Variants in CRISP2 observed in about 807,000 individuals in gnomAD.
CRISP2 encodes cysteine-rich secretory protein 2.
Under a neutral mutation model 31.7 loss-of-function variants are expected in CRISP2, and 29 were observed. The ratio of observed to expected loss-of-function variants is 0.92; its 90% CI spans 0.68 to 1.25. CRISP2 has a LOEUF of 1.25. CRISP2 is among the 50% of genes most tolerant of loss of function. CRISP2 has a pLI of 0.00. For synonymous variants in CRISP2, 111 were observed against 101.4 expected, an observed-to-expected ratio of 1.09 and a Z score of -0.57; for missense variants, 318 against 286.5, an observed-to-expected ratio of 1.11 and a Z score of -0.79.
At chr6:49,696,587 TAAAAAAAA>T (rs199584784) in intron 8 of CRISP2, among the ~76,000 whole-genome samples, 2 of 98,260 alleles carry the variant, frequency 2.0e-5, no homozygotes, top group Non-Finnish European at 5.3e-5. Context: ...GAACTTAAAG[TAAAAAAAA>T]AAAAAAGAAA....
chr6:49,702,187 T>G (rs1442406445), intron 4 of CRISP2, among the ~76,000 whole-genome samples: 16 of 122,632 alleles, frequency 1.3e-4, no homozygotes, highest in African/African-American at 3.7e-4. Flanking sequence ...ATATATAACA[T>G]TTTCTTTATC....
chr6:49,693,817 G>A (rs755059075), intron 9 of CRISP2, among the ~76,000 whole-genome samples: 3 of 151,926 alleles, frequency 2.0e-5, no homozygotes, highest in Non-Finnish European at 4.4e-5. Context: ...AAATTTCTCT[G>A]ATAAATTTCT....
chr6:49,690,603 G>T (rs575369979), downstream of CRISP2, among the ~76,000 whole-genome samples: 3 of 152,122 alleles, frequency 2.0e-5, no homozygotes, highest in Middle Eastern at 3.4e-3. Context: ...ATATCATAAT[G>T]TTCACTGAAA....
At position 49,692,894 on chromosome 6, in the gene CRISP2, C is replaced by G; in HGVS notation, c.611G>C (p.Ser204Thr). The G allele has an allele frequency of 6.2e-7, 1 of 1,613,246 alleles. No homozygotes were observed. Among genetic ancestry groups the G allele is most frequent in the Non-Finnish European group, 8.5e-7 (1 of 1,179,420 alleles). ...DDCDKGLCTN[S>T]CQYQDLLSNC... is the part of the protein sequence containing the mutation. ...ACTTAGGAGATCTTGATACTGGCAA[C>G]TATTGGCTGTAACAAAAACAGATTA... Residue 204 changes from serine to threonine, a missense_variant, in exon 10 of 10, where the codon AGT (serine) becomes ACT (threonine). Coordinates refer to ENST00000339139, the MANE Select transcript of CRISP2 (RefSeq NM_003296.4).
chr6:49,701,331 C>T (rs771297810), intron 4 of CRISP2, among the ~76,000 whole-genome samples: 40 of 151,652 alleles, frequency 2.6e-4, no homozygotes, highest in Non-Finnish European at 2.7e-4. Flanking sequence ...TATGCCTGTG[C>T]ATCCTCATAG....
At chr6:49,690,078 A>G (rs772157016), downstream of CRISP2, among the ~76,000 whole-genome samples, 39 of 152,170 alleles carry the variant, frequency 2.6e-4, no homozygotes, top group Non-Finnish European at 4.9e-4. Flanking sequence ...CTAATGTAAA[A>G]TTCATATTGT....
chr6:49,689,315 A>G (rs1763978928), downstream of CRISP2, among the ~76,000 whole-genome samples: 1 of 152,196 alleles, frequency 6.6e-6, no homozygotes, highest in African/African-American at 2.4e-5. Flanking sequence ...CCAAATTAAT[A>G]TATACCTCTA....
rs1020655382 is a variant in CRISP2 at position 49,695,904 on chromosome 6, T to C, written c.536A>G (p.Lys179Arg). The change falls in exon 9 of 10, where the codon AAG becomes AGG. Residue 179 changes from lysine (K) to arginine (R), a missense_variant. Transcript: ENST00000339139. ...YCPAGNNMNR[K>R]NTPYQQGTPC... ...TGTTCCTTGTTGGTACGGGGTATTC[T>C]TTCTATTCATATTATTACCACTGAA... 1.9e-6 allele frequency: 3 copies of C among 1,611,692 alleles called. No individual in the cohort carries two copies. Among genetic ancestry groups the C allele is most frequent in the Admixed American group, 1.7e-5 (1 of 59,662 alleles).
intron 4 of CRISP2, among the ~76,000 whole-genome samples, chr6:49,701,545 GTA>G (rs1229218251): frequency 8.8e-6 from 1 of 113,774 alleles, no homozygotes; most frequent in Non-Finnish European, 1.8e-5. Context: ...CACACACACA[GTA>G]TATATATATG....
chr6:49,703,508 G>T (rs1766470963), intron 4 of CRISP2, among the ~76,000 whole-genome samples: 1 of 152,060 alleles, frequency 6.6e-6, no homozygotes, highest in South Asian at 2.1e-4. Context: ...GCAGTGTTCT[G>T]CAGTTTTCTT....
the CRISP2 span, among the ~76,000 whole-genome samples, chr6:49,682,682 GTCTCTT>G: frequency 8.8e-6 from 1 of 113,622 alleles, no homozygotes; most frequent in Non-Finnish European, 1.9e-5. Context: ...CTCTCTTTCT[GTCTCTT>G]TCTCTTTCTT....
At position 49,710,800 on chromosome 6, in the gene CRISP2, G is replaced by A. The variant is rs972908198; in HGVS notation, c.-10+485C>T. ...TGTAAAAGAATAAAATTAACTTGAG[G>A]TCATTCTCAATACAAATTTATTAAA... is the stretch of plus-strand genomic sequence containing the variant. On this transcript the variant is annotated intron_variant, in intron 3 of 9. Transcript: ENST00000339139. Among the ~76,000 whole-genome samples, 5 of 151,958 alleles carry A rather than the reference G, an allele frequency of 3.3e-5. No individual in the cohort carries two copies. The East Asian group carries it at 9.6e-4, about 29-fold the overall frequency.
intron 4 of CRISP2, among the ~76,000 whole-genome samples, chr6:49,703,810 A>G (rs750458760): frequency 2.0e-5 from 3 of 152,166 alleles, no homozygotes; most frequent in Non-Finnish European, 4.4e-5. Context: ...TTGACTTCAG[A>G]TAACCTGATG....
chr6:49,703,418 C>T (rs542485603), intron 4 of CRISP2, among the ~76,000 whole-genome samples: 3 of 152,166 alleles, frequency 2.0e-5, no homozygotes, highest in Admixed American at 6.5e-5. Flanking sequence ...GCAGTATGGT[C>T]ATTCTTACAA....
At chr6:49,712,335 C>T (rs1768169419) in intron 2 of CRISP2, among the ~76,000 whole-genome samples, 166 bp downstream of exon 2, 2 of 152,326 alleles carry the variant, frequency 1.3e-5, no homozygotes, top group Non-Finnish European at 1.5e-5. Flanking sequence ...AACCATCTAA[C>T]CTATACTCAT....
At chr6:49,702,176 T>C (rs1469094191) in intron 4 of CRISP2, among the ~76,000 whole-genome samples, 1 of 123,978 alleles carries the variant, frequency 8.1e-6, no homozygotes, top group Non-Finnish European at 1.6e-5. Context: ...TATATATATA[T>C]ATATATAACA....
At chr6:49,693,759 T>G (rs1764284890) in intron 9 of CRISP2, among the ~76,000 whole-genome samples, 11 of 152,216 alleles carry the variant, frequency 7.2e-5, no homozygotes, top group Admixed American at 7.2e-4. Flanking sequence ...ATTTATCGTA[T>G]TTTTCAGCTT....
chr6:49,697,793 A>G, intron 8 of CRISP2, 67 bp downstream of exon 8: 3 of 1,604,342 alleles, frequency 1.9e-6, no homozygotes, highest in Non-Finnish European at 2.6e-6. Flanking sequence ...GGTTTAAGAT[A>G]TGAGAATTAT....
At chr6:49,682,925 G>A in the CRISP2 span, among the ~76,000 whole-genome samples, 2 of 151,404 alleles carry the variant, frequency 1.3e-5, no homozygotes, top group South Asian at 2.1e-4. Context: ...TTGTGAGGCC[G>A]AAAAGGGGGG....
Sources: allele counts gnomAD v4.1 joint callset (sites outside exome capture counted in the v4.1 genomes callset), GRCh38; gene constraint gnomAD v4.1.1; transcripts MANE v1.5; gene names NCBI Gene and HGNC (gene_info 2026-07-23, HGNC 2026-07-21).